KDM5B: variants seen among roughly 807,000 people sequenced by gnomAD.
The protein encoded by KDM5B is lysine-specific demethylase 5B.
Under a neutral mutation model 193.4 loss-of-function variants are expected in KDM5B, and 144 were observed. The ratio of observed to expected loss-of-function variants is 0.74; its 90% CI spans 0.65 to 0.86. The LOEUF is 0.86. Among genes scored for constraint, KDM5B ranks in the 40% least tolerant of loss-of-function variants. The pLI is 0.00. For synonymous variants in KDM5B, 668 were observed against 682.6 expected (o/e 0.98, Z 0.33); for missense variants, 1,833 against 1,886.9 (o/e 0.97, Z 0.53).
At chr1:202,802,536 G>A (rs1658118513) in intron 1 of KDM5B, among the ~76,000 whole-genome samples, 2 of 152,096 alleles carry the variant, frequency 1.3e-5, no homozygotes, top group Admixed American at 6.6e-5. Flanking sequence ...GGGATTGCAG[G>A]CGCCTGCCAC....
intron 1 of KDM5B, among the ~76,000 whole-genome samples, chr1:202,803,388 T>C (rs1303992837): frequency 6.6e-6 from 1 of 152,216 alleles, no homozygotes; most frequent in Non-Finnish European, 1.5e-5. Context: ...TCTACACGTT[T>C]TGTTTATTAG....
intron 20 of KDM5B, among the ~76,000 whole-genome samples, chr1:202,737,559 G>A (rs946196694): frequency 6.6e-6 from 1 of 152,134 alleles, no homozygotes; most frequent in Admixed American, 6.6e-5. Flanking sequence ...CTGTTGTGAT[G>A]CAATATAGAA....
intron 21 of KDM5B, 145 bp from the exon 22 acceptor site, chr1:202,735,732 G>A (rs4325196): frequency 0.82 from 539,731 of 657,110 alleles, 224,192 homozygotes; most frequent in Admixed American, 0.87. Context: ...CAACCCTGAG[G>A]CTCTCCTTTA....
intron 1 of KDM5B, chr1:202,806,491 T>C (rs1421805385): frequency 6.6e-6 from 1 of 152,246 alleles, no homozygotes; most frequent in Non-Finnish European, 1.5e-5. Context: ...CGTACTTCCC[T>C]TAAGCAGCAA....
At chr1:202,766,359 A>G (rs1055653967) in intron 5 of KDM5B, 8 of 316,178 alleles carry the variant, frequency 2.5e-5, no homozygotes, top group Non-Finnish European at 4.3e-5. Flanking sequence ...AAACCAAATT[A>G]GCCGGGCGTG....
At chr1:202,757,897 T>C (rs981347166) in intron 9 of KDM5B, among the ~76,000 whole-genome samples, 1 of 152,230 alleles carries the variant, frequency 6.6e-6, no homozygotes, top group Admixed American at 6.5e-5. Context: ...TACATTTTGG[T>C]GTACTCATTT....
At chr1:202,804,626 A>G (rs554289853) in intron 1 of KDM5B, among the ~76,000 whole-genome samples, 1 of 152,344 alleles carries the variant, frequency 6.6e-6, no homozygotes, top group East Asian at 1.9e-4. Context: ...GAATCAAACT[A>G]GTAACCACAA....
At chr1:202,764,262 CAAAA>C in intron 5 of KDM5B, 117 bp from the exon 6 acceptor site, 1 of 548,610 alleles carries the variant, frequency 1.8e-6, no homozygotes, top group Non-Finnish European at 3.1e-6. Flanking sequence ...ACAGGGCATT[CAAAA>C]CATACTTCTC....
chr1:202,763,222 C>T (rs1402962927), intron 6 of KDM5B, among the ~76,000 whole-genome samples: 1 of 152,190 alleles, frequency 6.6e-6, no homozygotes, highest in Non-Finnish European at 1.5e-5. Context: ...GGTCATCCTC[C>T]TGGTCTCCAA....
chr1:202,738,557 C>T (rs554527550), intron 20 of KDM5B, among the ~76,000 whole-genome samples: 17 of 152,288 alleles, frequency 1.1e-4, no homozygotes, highest in Non-Finnish European at 1.0e-4. Flanking sequence ...AAACATTTGT[C>T]TAGAATTGTC....
At chr1:202,794,731 G>A (rs557669472) in intron 1 of KDM5B, among the ~76,000 whole-genome samples, 177 of 152,262 alleles carry the variant, frequency 1.2e-3, no homozygotes, top group Non-Finnish European at 2.1e-3. Flanking sequence ...GCATATGGTA[G>A]TCCCCACCCT....
chr1:202,774,624 G>A lies in KDM5B; in HGVS notation c.394C>T (p.Gln132Ter). ...CATTAGCTCTTTACCTTATTAAGCT[G>A]AAATAAGTCCAAGATCTTCCTCTCC... ...HVERKILDLFQLNKLVAEEGG... is the reference protein window; with the variant it reads ...HVERKILDLF Residue 132 changes from glutamine to a stop codon, truncating the protein, a stop_gained, in exon 3 of 27, where the codon CAG becomes TAG. Transcript: ENST00000367265. LOFTEE classifies it high-confidence loss of function. 1 of 1,610,810 alleles carries A rather than the reference G, an allele frequency of 6.2e-7. No individual in the cohort carries two copies. The highest frequency in any genetic ancestry group is 8.5e-7 in the Non-Finnish European group (1 of 1,177,156).
intron 1 of KDM5B, among the ~76,000 whole-genome samples, chr1:202,804,251 AG>A (rs1388759953): frequency 5.2e-5 from 4 of 76,678 alleles, no homozygotes; most frequent in Non-Finnish European, 1.5e-4. Flanking sequence ...TTTCAATAAA[AG>A]GGTTTTTTTT....
At position 202,726,056 on chromosome 1, in the gene KDM5B, C is replaced by T. The variant is rs1369489156; in HGVS notation, c.*2980G>A. On this transcript the variant is annotated 3_prime_UTR_variant, in exon 27 of 27. Coordinates refer to ENST00000367265, the MANE Select transcript of KDM5B (RefSeq NM_006618.5). The stretch of plus-strand genomic sequence containing the variant: ...CAAATCAGTAGAGAGCCATGTTTCA[C>T]CCTCTTCCAGGTAGAGATCTACTCT... 1 of 151,756 alleles carries T rather than the reference C, an allele frequency of 6.6e-6. No individual in the cohort carries two copies. The highest frequency in any genetic ancestry group is 1.9e-4 in the East Asian group (1 of 5,160). The allele number at this position is 151,756 out of a possible 1,614,324, so 9.4% of individuals were successfully genotyped here. A position where few individuals can be genotyped will look rare whatever the true frequency, so the allele number is the denominator to read the frequency against.
chr1:202,778,326 T>C (rs1657048919), intron 1 of KDM5B, among the ~76,000 whole-genome samples: 1 of 152,156 alleles, frequency 6.6e-6, no homozygotes, highest in Non-Finnish European at 1.5e-5. Flanking sequence ...TATGTATGAA[T>C]TGTTACCTAC....
chr1:202,790,819 C>T (rs1220688135), intron 1 of KDM5B, among the ~76,000 whole-genome samples: 4 of 152,110 alleles, frequency 2.6e-5, no homozygotes, highest in African/African-American at 7.2e-5. Context: ...GCATTCAAGG[C>T]ACCATCTTGA....
chr1:202,802,380 G>A (rs1658111490), intron 1 of KDM5B, among the ~76,000 whole-genome samples: 1 of 151,454 alleles, frequency 6.6e-6, no homozygotes, highest in Admixed American at 6.6e-5. Flanking sequence ...TTTTTTTGTT[G>A]TTGTTGTTTG....
chr1:202,752,845 A>G (rs1421404187), intron 12 of KDM5B, 60 bp downstream of exon 12: 2 of 1,481,936 alleles, frequency 1.3e-6, no homozygotes, highest in East Asian at 4.5e-5. Flanking sequence ...AGTGAATAAA[A>G]AGGAAAAAGA....
At position 202,746,188 on chromosome 1, in the gene KDM5B, G is replaced by A. The variant is rs767368433; in HGVS notation, c.2152C>T (p.His718Tyr). 1 of 1,613,648 alleles carries A rather than the reference G, an allele frequency of 6.2e-7. No homozygotes were observed. The highest frequency in any genetic ancestry group is 1.1e-5 in the South Asian group (1 of 91,064). The change falls in exon 15 of 27, where the codon CAT becomes TAT. Residue 718 changes from histidine to tyrosine, a missense_variant. Around this residue, in one of 3 missense-constraint regions of KDM5B, gnomAD observed 1,379 missense variants for 1,349.6 expected, o/e 1.02. Coordinates refer to ENST00000367265, the MANE Select transcript of KDM5B (RefSeq NM_006618.5). ...CKPGLLVCLH[H>Y]VKELCSCPPY... ...GGACAGGAACACAATTCTTTTACAT[G>A]ATGCAGGCAAACAAGAAGGCCAGGT... is the stretch of plus-strand genomic sequence containing the variant.
Sources: gnomAD v4.1 joint callset for allele counts (sites outside exome capture counted in the v4.1 genomes callset) on GRCh38, gnomAD v4.1.1 for gene constraint, gnomAD v4.1.1 regional missense constraint, MANE v1.5 for transcripts, NCBI Gene and HGNC (gene_info 2026-07-23, HGNC 2026-07-21) for gene names.